SLC9B2: variants seen among roughly 807,000 people sequenced by gnomAD.
SLC9B2 encodes the protein sodium/hydrogen exchanger 9B2.
Under a neutral mutation model 52.2 loss-of-function variants are expected in SLC9B2, and 39 were observed. That is an observed-to-expected ratio of 0.75 (90% confidence interval 0.58 to 0.98). The LOEUF is 0.98. SLC9B2 is among the 50% of genes least tolerant of loss of function. The pLI is 0.00. For missense variants in SLC9B2, 626 were observed against 637.5 expected (o/e 0.98, Z 0.19); for synonymous variants, 214 against 227.0 (o/e 0.94, Z 0.51).
At chr4:103,047,267 C>T in intron 6 of SLC9B2, 41 bp from the exon 7 acceptor site, 2 of 1,519,030 alleles carry the variant, frequency 1.3e-6, no homozygotes, top group East Asian at 4.7e-5. Context: ...TAACATCTTA[C>T]TTATTACTAT....
chr4:103,036,689 A>G (rs1043948422), intron 9 of SLC9B2, among the ~76,000 whole-genome samples: 1 of 152,108 alleles, frequency 6.6e-6, no homozygotes, highest in Admixed American at 6.6e-5. Flanking sequence ...CATTGGAAAA[A>G]TACTAAAAGG....
At chr4:103,071,141 T>C (rs1238721843) in intron 1 of SLC9B2, among the ~76,000 whole-genome samples, 1 of 152,034 alleles carries the variant, frequency 6.6e-6, no homozygotes, top group Non-Finnish European at 1.5e-5. Context: ...TCTTATTTTC[T>C]AAGAAAGATT....
At chr4:103,031,897 G>T in intron 9 of SLC9B2, 89 bp from the exon 10 acceptor site, 2 of 1,316,890 alleles carry the variant, frequency 1.5e-6, no homozygotes, top group Non-Finnish European at 2.1e-6. Context: ...GAATTATTTG[G>T]CCTGAGATAA....
Position 103,022,832 on chromosome 4 carries a change from T to C in SLC9B2, c.*3538A>G, listed in dbSNP as rs1422377251. 6.6e-6 allele frequency among the ~76,000 whole-genome samples: 1 copy of C among 152,192 alleles called. No homozygotes were observed. Among genetic ancestry groups the C allele is most frequent in the Non-Finnish European group, 1.5e-5 (1 of 68,022 alleles). On this transcript the variant is annotated 3_prime_UTR_variant, in exon 12 of 12. Coordinates refer to ENST00000394785, the MANE Select transcript of SLC9B2 (RefSeq NM_178833.7). ...AGGCAATTAGATTTGGATGAGGTCA[T>C]GAGGGTAGGGCCCTCATGCTGTGAT...
At chr4:103,032,183 A>C (rs1007295940) in intron 9 of SLC9B2, among the ~76,000 whole-genome samples, 1 of 152,094 alleles carries the variant, frequency 6.6e-6, no homozygotes, top group Non-Finnish European at 1.5e-5. Flanking sequence ...CTTCAACAAT[A>C]TGATTTAGAG....
rs1349595193 is a variant in SLC9B2 at position 103,043,384 on chromosome 4, C to A, written c.1058G>T (p.Ser353Ile). The change falls in exon 9 of 12, where the codon AGC becomes ATC. Residue 353 changes from serine to isoleucine, a missense_variant. Physicochemically the swap from Ser to Ile is moderately radical, Grantham distance 142. Transcript: ENST00000394785. Reference sequence around the variant, plus strand: ...TCCAGGGAAACCAAAATGCACACTGCTGAACACAGCTAGCACAGACAACCC... The same window carrying A: ...TCCAGGGAAACCAAAATGCACACTGATGAACACAGCTAGCACAGACAACCC... ...VLGLSVLAVF[S>I]SVHFGFPGSG... The A allele has an allele frequency of 9.9e-6, 16 of 1,613,716 alleles. No homozygotes were observed. Among genetic ancestry groups the A allele is most frequent in the Non-Finnish European group, 1.4e-5 (16 of 1,179,896 alleles).
upstream of SLC9B2, chr4:103,076,968 G>C (rs1319922371): frequency 6.6e-6 from 1 of 152,250 alleles, no homozygotes; most frequent in East Asian, 1.9e-4. Context: ...TTAAATGGCC[G>C]GATAAAAGAC....
intron 10 of SLC9B2, among the ~76,000 whole-genome samples, chr4:103,030,264 C>T (rs1742583017): frequency 6.6e-6 from 1 of 151,946 alleles, no homozygotes; most frequent in Non-Finnish European, 1.5e-5. Context: ...TTATATAGAG[C>T]CAGAGGCACA....
chr4:103,057,186 T>G (rs1258737943), intron 4 of SLC9B2, among the ~76,000 whole-genome samples: 1 of 151,058 alleles, frequency 6.6e-6, no homozygotes, highest in Non-Finnish European at 1.5e-5. Flanking sequence ...GACTAAAACA[T>G]TAGGAAGTCT....
chr4:103,067,320 G>T (rs1344411425), intron 2 of SLC9B2, 141 bp downstream of exon 2: 3 of 666,218 alleles, frequency 4.5e-6, no homozygotes, highest in Non-Finnish European at 7.8e-6. Flanking sequence ...CTAGTTACAG[G>T]TAGGGTCAGC....
chr4:103,075,147 AT>A (rs1027933934), intron 1 of SLC9B2, among the ~76,000 whole-genome samples: 5 of 152,012 alleles, frequency 3.3e-5, no homozygotes, highest in Admixed American at 3.3e-4. Context: ...AACAAGTTTC[AT>A]TTCCTTTTTT....
Position 103,038,336 on chromosome 4 carries a change from T to G in SLC9B2, c.1146+4960A>C, listed in dbSNP as rs150117460. ...ACTAAAAATATTTCTAATCAAATTA[T>G]TTTTTATTTCTAAACTGTAGACAAA... is the stretch of plus-strand genomic sequence containing the variant. On this transcript the variant is annotated intron_variant, in intron 9 of 11. Transcript: ENST00000394785. Among the ~76,000 whole-genome samples, 331 of 152,362 alleles carry G rather than the reference T, an allele frequency of 2.2e-3. 4 individuals are homozygous for G. Among genetic ancestry groups the G allele is most frequent in the African/African-American group, 7.6e-3 (317 of 41,590 alleles).
At chr4:103,054,186 T>C (rs1744926501) in intron 4 of SLC9B2, among the ~76,000 whole-genome samples, 1 of 152,028 alleles carries the variant, frequency 6.6e-6, no homozygotes, top group Non-Finnish European at 1.5e-5. Flanking sequence ...GGAAGATTGT[T>C]TGAGCCCAGG....
At chr4:103,074,505 C>A (rs1193920146) in intron 1 of SLC9B2, among the ~76,000 whole-genome samples, 2 of 152,176 alleles carry the variant, frequency 1.3e-5, no homozygotes, top group Non-Finnish European at 2.9e-5. Flanking sequence ...AGTGCAAAAT[C>A]ATCATAGACA....
At chr4:103,062,541 AAT>A (rs1745756500) in intron 3 of SLC9B2, among the ~76,000 whole-genome samples, 1 of 152,214 alleles carries the variant, frequency 6.6e-6, no homozygotes, top group Non-Finnish European at 1.5e-5. Flanking sequence ...GGTTTCTCTA[AAT>A]CATGTTTAAA....
At chr4:103,069,179 T>C (rs1035781591) in intron 1 of SLC9B2, among the ~76,000 whole-genome samples, 3 of 152,202 alleles carry the variant, frequency 2.0e-5, no homozygotes, top group Non-Finnish European at 2.9e-5. Context: ...GAGAAAATGT[T>C]AGACTCAGAG....
chr4:103,052,964 C>T (rs113475098), intron 4 of SLC9B2, among the ~76,000 whole-genome samples: 4 of 152,242 alleles, frequency 2.6e-5, no homozygotes, highest in East Asian at 1.9e-4. Flanking sequence ...TGATTTGGCA[C>T]ATGTCCCCAC....
chr4:103,063,741 C>T (rs748828696), intron 3 of SLC9B2, among the ~76,000 whole-genome samples: 48 of 152,280 alleles, frequency 3.2e-4, no homozygotes, highest in Non-Finnish European at 3.7e-4. Context: ...AAACAATCCA[C>T]GGAGTGAAGA....
At chr4:103,072,666 T>C (rs748122131) in intron 1 of SLC9B2, among the ~76,000 whole-genome samples, 1 of 152,320 alleles carries the variant, frequency 6.6e-6, no homozygotes, top group Admixed American at 6.5e-5. Context: ...TCAAGTAAAA[T>C]AGACTTACTG....
Sources: allele counts gnomAD v4.1 joint callset (sites outside exome capture counted in the v4.1 genomes callset), GRCh38; gene constraint gnomAD v4.1.1; transcripts MANE v1.5; gene names NCBI Gene and HGNC (gene_info 2026-07-23, HGNC 2026-07-21).